The following ROBO2 variants were observed in gnomAD, a reference collection of about 807,000 sequenced individuals.
The protein encoded by ROBO2 is roundabout guidance receptor 2.
ROBO2 carries 53 observed loss-of-function variants against 160.8 expected under a neutral mutation model. The ratio of observed to expected loss-of-function variants is 0.33; its 90% CI spans 0.26 to 0.41. The LOEUF is 0.41. Among genes scored for constraint, ROBO2 ranks in the 10% least tolerant of loss-of-function variants. ROBO2 has a pLI of 1.00. For missense variants in ROBO2, 1,577 were observed against 1,722.4 expected, an observed-to-expected ratio of 0.92 and a Z score of 1.49; for synonymous variants, 664 against 611.7, an observed-to-expected ratio of 1.09 and a Z score of -1.26.
At chr3:77,315,606 T>A (rs906767298) in intron 2 of ROBO2, among the ~76,000 whole-genome samples, 4 of 152,230 alleles carry the variant, frequency 2.6e-5, no homozygotes, top group Admixed American at 6.5e-5. Context: ...TTTATTCAAC[T>A]GCTAGTGAAA....
At chr3:77,273,476 T>C (rs2059633350) in intron 2 of ROBO2, among the ~76,000 whole-genome samples, 1 of 152,142 alleles carries the variant, frequency 6.6e-6, no homozygotes, top group African/African-American at 2.4e-5. Context: ...ATACAAAAAA[T>C]GAAAGTAATC....
intron 1 of ROBO2, among the ~76,000 whole-genome samples, chr3:75,921,520 A>G (rs1391814461): frequency 6.6e-6 from 1 of 152,030 alleles, no homozygotes; most frequent in Non-Finnish European, 1.5e-5. Context: ...TTATTGTTCT[A>G]TTTTTATTGA....
intron 2 of ROBO2, among the ~76,000 whole-genome samples, chr3:76,457,118 A>G (rs1233975398): frequency 6.6e-6 from 1 of 152,188 alleles, no homozygotes; most frequent in Non-Finnish European, 1.5e-5. Context: ...ATGCCTTCCT[A>G]GTAGTCCCCC....
chr3:77,309,853 G>A (rs2063395169), intron 2 of ROBO2, among the ~76,000 whole-genome samples: 1 of 152,218 alleles, frequency 6.6e-6, no homozygotes, highest in African/African-American at 2.4e-5. Flanking sequence ...TTTTAAAGCA[G>A]TGGTACTTGT....
chr3:76,378,948 T>A (rs2076486838), intron 2 of ROBO2, among the ~76,000 whole-genome samples: 2 of 152,172 alleles, frequency 1.3e-5, no homozygotes, highest in African/African-American at 4.8e-5. Context: ...TATGCACAGC[T>A]GAAAGATTTC....
chr3:76,951,307 A>G (rs72631212), intron 2 of ROBO2, among the ~76,000 whole-genome samples: 23,657 of 152,234 alleles, frequency 0.16, 1,962 homozygotes, highest in South Asian at 0.19. Context: ...CTGTGTGTGA[A>G]CAAACACTCT....
At chr3:75,937,899 G>GT (rs1276399966) in intron 2 of ROBO2, among the ~76,000 whole-genome samples, 2 of 144,118 alleles carry the variant, frequency 1.4e-5, no homozygotes, top group Non-Finnish European at 3.0e-5. Flanking sequence ...CTATGTGTGT[G>GT]TGTGTGTGTT....
chr3:76,961,152 C>G (rs1041196818), intron 2 of ROBO2, among the ~76,000 whole-genome samples: 1 of 149,552 alleles, frequency 6.7e-6, no homozygotes, highest in Non-Finnish European at 1.5e-5. Context: ...TCATCAGAAT[C>G]TGCCATAAGG....
At chr3:77,169,971 C>G (rs1471030484) in intron 2 of ROBO2, among the ~76,000 whole-genome samples, 2 of 152,136 alleles carry the variant, frequency 1.3e-5, no homozygotes, top group Admixed American at 6.6e-5. Context: ...GTACCTAACT[C>G]TGGTCCATAA....
chr3:76,261,202 GTA>G (rs796253150), intron 2 of ROBO2, among the ~76,000 whole-genome samples: 782 of 67,158 alleles, frequency 0.012, 3 homozygotes, highest in African/African-American at 0.021. Context: ...GTGTGTGTGT[GTA>G]TATATATATA....
At chr3:76,649,486 A>AT (rs34367132) in intron 2 of ROBO2, among the ~76,000 whole-genome samples, 26,453 of 152,092 alleles carry the variant, frequency 0.17, 2,459 homozygotes, top group Non-Finnish European at 0.2. Flanking sequence ...AATATTTCAC[A>AT]TTCCTAAAAC....
intron 12 of ROBO2, among the ~76,000 whole-genome samples, chr3:77,565,478 G>C (rs996130957): frequency 5.3e-5 from 8 of 151,998 alleles, no homozygotes; most frequent in African/African-American, 1.9e-4. Context: ...CCAAATAGAG[G>C]TATAAAAATT....
intron 2 of ROBO2, among the ~76,000 whole-genome samples, chr3:76,931,748 C>T (rs1225155151): frequency 1.3e-5 from 2 of 152,102 alleles, no homozygotes; most frequent in Non-Finnish European, 2.9e-5. Flanking sequence ...GTGGCATGAT[C>T]TCAGCTCACT....
At chr3:76,551,994 G>A (rs1007434396) in intron 2 of ROBO2, among the ~76,000 whole-genome samples, 1 of 152,176 alleles carries the variant, frequency 6.6e-6, no homozygotes, top group Non-Finnish European at 1.5e-5. Flanking sequence ...AATGAGCCCA[G>A]CAGGTGCGAG....
intron 2 of ROBO2, among the ~76,000 whole-genome samples, chr3:77,347,761 A>G: frequency 6.6e-6 from 1 of 152,092 alleles, no homozygotes; most frequent in East Asian, 1.9e-4. Flanking sequence ...GGCTTCCAGA[A>G]CAATCAGCCT....
Position 76,402,899 on chromosome 3 carries a change from T to G in ROBO2, c.109+465297T>G, listed in dbSNP as rs189588173. 9.9e-5 allele frequency among the ~76,000 whole-genome samples: 15 copies of G among 151,706 alleles called. No individual in the cohort carries two copies. In the East Asian group the frequency reaches 1.7e-3, roughly 18 times the overall value. On this transcript the variant is annotated intron_variant, in intron 2 of 26. Transcript: ENST00000487694. ...CTTTTCATCTCAAGGTCCTCAAATT[T>G]AATTACGTCTGCAAAGTCCCTCTTA...
chr3:76,463,154 C>T (rs2078176126), intron 2 of ROBO2, among the ~76,000 whole-genome samples: 1 of 152,076 alleles, frequency 6.6e-6, no homozygotes. Flanking sequence ...ACCTGAGGCT[C>T]AATGGCACAG....
At chr3:76,443,194 C>T (rs1226920069) in intron 2 of ROBO2, among the ~76,000 whole-genome samples, 1 of 152,044 alleles carries the variant, frequency 6.6e-6, no homozygotes, top group African/African-American at 2.4e-5. Context: ...TAAGAACTCA[C>T]TCATTACCTG....
At chr3:76,603,354 ATATATAT>A (rs2087378018) in intron 2 of ROBO2, among the ~76,000 whole-genome samples, 1 of 66,852 alleles carries the variant, frequency 1.5e-5, no homozygotes, top group African/African-American at 5.4e-5. Flanking sequence ...AAAAAAAAAT[ATATATAT>A]ATATATATAT....
Sources: gnomAD v4.1 joint callset for allele counts (sites outside exome capture counted in the v4.1 genomes callset) on GRCh38, gnomAD v4.1.1 for gene constraint, MANE v1.5 for transcripts, NCBI Gene and HGNC (gene_info 2026-07-23, HGNC 2026-07-21) for gene names.